LRRTM3: variants seen among roughly 807,000 people sequenced by gnomAD.
The protein encoded by LRRTM3 is leucine-rich repeat transmembrane neuronal protein 3.
In LRRTM3, 24 loss-of-function variants were observed where a neutral mutation model predicts 44.7. That is an observed-to-expected ratio of 0.54 (90% confidence interval 0.39 to 0.76). LRRTM3 has a LOEUF of 0.76. LRRTM3 is among the 30% of genes least tolerant of loss of function. The probability of loss-of-function intolerance (pLI) is 0.00; values close to 1 mark genes in which losing one functional copy is unlikely to be tolerated. For missense variants in LRRTM3, 587 were observed against 702.2 expected, an observed-to-expected ratio of 0.84 and a Z score of 1.85; for synonymous variants, 277 against 278.7, an observed-to-expected ratio of 0.99 and a Z score of 0.06.
chr10:66,932,668 T>G (rs892245050), intron 2 of LRRTM3, among the ~76,000 whole-genome samples: 2 of 146,072 alleles, frequency 1.4e-5, no homozygotes, highest in Non-Finnish European at 3.0e-5. Flanking sequence ...TTAAATAGTT[T>G]GTATCAAATA....
intron 2 of LRRTM3, among the ~76,000 whole-genome samples, chr10:66,988,155 C>A (rs981621312): frequency 3.3e-5 from 5 of 152,086 alleles, no homozygotes; most frequent in African/African-American, 1.2e-4. Flanking sequence ...TTGTAACTTG[C>A]TGGCATCATA....
At chr10:67,059,269 A>C (rs1035688075) in intron 2 of LRRTM3, among the ~76,000 whole-genome samples, 4 of 152,236 alleles carry the variant, frequency 2.6e-5, no homozygotes, top group Admixed American at 6.5e-5. Context: ...CCTTGATTTG[A>C]ATTAGCTAAA....
chr10:67,066,574 C>T (rs188949908), intron 2 of LRRTM3, among the ~76,000 whole-genome samples: 2 of 149,668 alleles, frequency 1.3e-5, no homozygotes, highest in Non-Finnish European at 3.0e-5. Flanking sequence ...CCAACCATTA[C>T]AGAAGCCAAA....
chr10:66,986,936 G>C (rs1033108029), intron 2 of LRRTM3, among the ~76,000 whole-genome samples: 2 of 152,070 alleles, frequency 1.3e-5, no homozygotes, highest in Non-Finnish European at 2.9e-5. Flanking sequence ...GTTTATATTT[G>C]AATAAGGAGT....
intron 2 of LRRTM3, among the ~76,000 whole-genome samples, chr10:67,001,305 A>G (rs902578560): frequency 1.3e-5 from 2 of 150,940 alleles, no homozygotes; most frequent in African/African-American, 4.8e-5. Flanking sequence ...GTCTAAAAAA[A>G]AAAAAAAGAA....
rs112650971 is a variant in LRRTM3 at position 67,032,486 on chromosome 10, G to C, written c.1537-65101G>C. Among the ~76,000 whole-genome samples the C allele has an allele frequency of 6.2e-3, 944 of 152,240 alleles. 8 individuals carry two copies. Among genetic ancestry groups the C allele is most frequent in the African/African-American group, 0.021 (882 of 41,566 alleles). ...AAAAAAGAATATGGGTGGGATTTGT[G>C]GAGGTCCTGCTATAGTTAATGAGAA... On this transcript the variant is annotated intron_variant, in intron 2 of 2. Coordinates refer to ENST00000361320, the MANE Select transcript of LRRTM3 (RefSeq NM_178011.5).
At chr10:66,967,287 G>GATAGAT (rs1038868335) in intron 2 of LRRTM3, among the ~76,000 whole-genome samples, 1 of 151,214 alleles carries the variant, frequency 6.6e-6, no homozygotes, top group Non-Finnish European at 1.5e-5. Flanking sequence ...TCTGCTAGTG[G>GATAGAT]ATAGATATAG....
chr10:66,948,461 T>C (rs1848382162), intron 2 of LRRTM3, among the ~76,000 whole-genome samples: 3 of 152,250 alleles, frequency 2.0e-5, no homozygotes, highest in African/African-American at 7.2e-5. Context: ...GACCTGTTAC[T>C]ACATGTGTTA....
chr10:66,930,984 C>A, intron 2 of LRRTM3, among the ~76,000 whole-genome samples: 1 of 151,844 alleles, frequency 6.6e-6, no homozygotes, highest in Non-Finnish European at 1.5e-5. Flanking sequence ...ACTAGTTTAC[C>A]ACTGTAAATT....
chr10:67,018,495 T>C (rs1852799122), intron 2 of LRRTM3, among the ~76,000 whole-genome samples: 1 of 152,208 alleles, frequency 6.6e-6, no homozygotes, highest in African/African-American at 2.4e-5. Context: ...ACAACTGTTA[T>C]AAACATGTTT....
At chr10:67,022,703 C>T (rs557680130) in intron 2 of LRRTM3, among the ~76,000 whole-genome samples, 23 of 152,146 alleles carry the variant, frequency 1.5e-4, no homozygotes, top group Admixed American at 8.5e-4. Flanking sequence ...TTTGGGAGGC[C>T]GAGGCGGGCA....
At chr10:67,043,105 A>C (rs1854505888) in intron 2 of LRRTM3, among the ~76,000 whole-genome samples, 1 of 149,788 alleles carries the variant, frequency 6.7e-6, no homozygotes, top group South Asian at 2.1e-4. Flanking sequence ...AGCTCTTGGG[A>C]GATTTCATGC....
intron 2 of LRRTM3, among the ~76,000 whole-genome samples, chr10:67,067,334 T>A (rs889646677): frequency 1.3e-5 from 2 of 152,186 alleles, no homozygotes; most frequent in Non-Finnish European, 2.9e-5. Context: ...TATTGAGCAA[T>A]AAACCATATA....
At chr10:66,950,175 T>G (rs534740756) in intron 2 of LRRTM3, among the ~76,000 whole-genome samples, 2 of 152,290 alleles carry the variant, frequency 1.3e-5, no homozygotes, top group South Asian at 4.1e-4. Context: ...TATAACCAAA[T>G]TTAACTCTTA....
intron 2 of LRRTM3, among the ~76,000 whole-genome samples, chr10:67,087,693 A>C (rs1019371767): frequency 2.6e-5 from 4 of 151,984 alleles, no homozygotes; most frequent in Non-Finnish European, 5.9e-5. Flanking sequence ...TCTACCTCTA[A>C]GCTAATGTCA....
chr10:66,940,922 G>A (rs1018035548), intron 2 of LRRTM3, among the ~76,000 whole-genome samples: 9 of 152,182 alleles, frequency 5.9e-5, no homozygotes, highest in African/African-American at 2.2e-4. Flanking sequence ...GCAGCCTGCA[G>A]TAACTATATC....
intron 2 of LRRTM3, among the ~76,000 whole-genome samples, chr10:67,032,529 A>G (rs1410672029): frequency 6.6e-6 from 1 of 152,208 alleles, no homozygotes; most frequent in East Asian, 1.9e-4. Context: ...CAAATCAGGT[A>G]AAAATACTCT....
chr10:67,036,540 TA>T (rs1182115216), intron 2 of LRRTM3, among the ~76,000 whole-genome samples: 1 of 151,996 alleles, frequency 6.6e-6, no homozygotes, highest in Non-Finnish European at 1.5e-5. Flanking sequence ...GGCAGCTTTT[TA>T]AAAAAATTTT....
intron 2 of LRRTM3, among the ~76,000 whole-genome samples, chr10:67,055,729 C>A (rs991292711): frequency 6.6e-6 from 1 of 151,992 alleles, no homozygotes; most frequent in Non-Finnish European, 1.5e-5. Flanking sequence ...AATTTCAGAC[C>A]TCAGAGCTAA....
Sources: allele counts gnomAD v4.1 joint callset (sites outside exome capture counted in the v4.1 genomes callset), GRCh38; gene constraint gnomAD v4.1.1; transcripts MANE v1.5; gene names NCBI Gene and HGNC (gene_info 2026-07-23, HGNC 2026-07-21).